DST: variants seen among roughly 807,000 people sequenced by gnomAD.
DST encodes dystonin.
DST carries 253 observed loss-of-function variants against 875.2 expected under a neutral mutation model. That is an observed-to-expected ratio of 0.29 (90% CI 0.26 to 0.32). The LOEUF (loss-of-function observed/expected upper bound fraction) is 0.32. Among genes scored for constraint, DST ranks in the 10% least tolerant of loss-of-function variants. The pLI, the probability that DST is intolerant of heterozygous loss-of-function variation, is 1.00. For missense variants in DST, 8,287 were observed against 9,111.6 expected, an observed-to-expected ratio of 0.91 and a Z score of 3.68; for synonymous variants, 3,124 against 3,197.1, an observed-to-expected ratio of 0.98 and a Z score of 0.77.
intron 2 of DST, among the ~76,000 whole-genome samples, chr6:56,923,790 A>T (rs1805530105): frequency 6.6e-6 from 1 of 152,094 alleles, no homozygotes; most frequent in South Asian, 2.1e-4. Flanking sequence ...AAGGCAGTCT[A>T]CTCAAATCCA....
chr6:56,739,778 G>A (rs1438870611), intron 4 of DST, among the ~76,000 whole-genome samples: 1 of 152,150 alleles, frequency 6.6e-6, no homozygotes, highest in African/African-American at 2.4e-5. Flanking sequence ...CAAATCCCAT[G>A]GCAATGTCAG....
intron 49 of DST, among the ~76,000 whole-genome samples, chr6:56,585,753 C>A (rs1160460476): frequency 6.6e-6 from 1 of 151,608 alleles, no homozygotes; most frequent in East Asian, 1.9e-4. Flanking sequence ...TTTCCCTCTA[C>A]ACACTGCTTT....
chr6:56,482,472 T>C (rs1409813681), intron 89 of DST: 2 of 543,112 alleles, frequency 3.7e-6, no homozygotes, highest in East Asian at 6.2e-5. Flanking sequence ...GCAGCACTTG[T>C]ATGTGAAGAT....
intron 10 of DST, among the ~76,000 whole-genome samples, chr6:56,670,129 C>CGTGTGTGT (rs1005416477): frequency 9.3e-6 from 1 of 107,826 alleles, no homozygotes; most frequent in African/African-American, 4.0e-5. Flanking sequence ...TGCGAGCGCC[C>CGTGTGTGT]GTGCGTGTGT....
At chr6:56,497,586 G>C in intron 81 of DST, 79 bp from the exon 82 acceptor site, 3 of 1,511,802 alleles carry the variant, frequency 2.0e-6, no homozygotes, top group Non-Finnish European at 2.7e-6. Context: ...AACAATCCCA[G>C]CCTGCTAAGC....
At chr6:56,591,981 CAAAAA>C (rs34682914) in intron 49 of DST, among the ~76,000 whole-genome samples, 196 bp downstream of exon 49, 12 of 63,940 alleles carry the variant, frequency 1.9e-4, no homozygotes, top group Non-Finnish European at 2.2e-4. Context: ...GACTCCATCT[CAAAAA>C]AAAAAAAAAA....
chr6:56,529,301 A>C (rs1018875865), intron 66 of DST, 147 bp downstream of exon 66: 7 of 672,710 alleles, frequency 1.0e-5, no homozygotes, highest in Non-Finnish European at 1.6e-5. Flanking sequence ...AAATGACTTC[A>C]TTAAAAGTAA....
At position 56,509,623 on chromosome 6, in the gene DST, C is replaced by T. The variant is rs763860039; in HGVS notation, c.19012+19G>A. 2 of 1,583,532 alleles carry T rather than the reference C, an allele frequency of 1.3e-6. No individual in the cohort carries two copies. The highest frequency in any genetic ancestry group is 1.1e-5 in the South Asian group (1 of 88,964). On this transcript the variant is annotated intron_variant, in intron 74 of 103. Coordinates refer to ENST00000680361, the MANE Select transcript of DST (RefSeq NM_001374736.1). ...TTTAGAATGCTTTAAAATTTGTTTC[C>T]CTATTCCAAAAGTATTACCTTTGGC...
At chr6:56,591,981 C>CAAAAA (rs34682914) in intron 49 of DST, among the ~76,000 whole-genome samples, 1 of 63,932 alleles carries the variant, frequency 1.6e-5, no homozygotes, top group Non-Finnish European at 2.8e-5. Context: ...GACTCCATCT[C>CAAAAA]AAAAAAAAAA....
At chr6:56,531,129 C>T (rs1303341603) in intron 64 of DST, among the ~76,000 whole-genome samples, 2 of 152,106 alleles carry the variant, frequency 1.3e-5, no homozygotes, top group African/African-American at 4.8e-5. Context: ...TTCGTAATTA[C>T]CTCTGGATTA....
chr6:56,690,229 AT>A (rs1480918741), intron 9 of DST, among the ~76,000 whole-genome samples: 2 of 152,162 alleles, frequency 1.3e-5, no homozygotes, highest in African/African-American at 4.8e-5. Context: ...CATTCTGTAT[AT>A]GAGGCATAGT....
rs144776067 is a variant in DST, at chr6:56,466,360, C to T, written c.22570-165G>A. 2.8e-4 allele frequency: 119 copies of T among 424,792 alleles called. No individual in the cohort carries two copies. The East Asian group carries it at 3.3e-3, about 12-fold the overall frequency. The allele number at this position is 424,792 out of a possible 1,614,324, so 26.3% of individuals were successfully genotyped here. Reference sequence around the variant, plus strand: ...GGGGTTTGTAATGATTTGTGTTAGACGGCTGCATGCTGATTTAGCCCAAAG... The same window carrying T: ...GGGGTTTGTAATGATTTGTGTTAGATGGCTGCATGCTGATTTAGCCCAAAG... On this transcript the variant is annotated intron_variant, in intron 98 of 103. Transcript: ENST00000680361.
At chr6:56,598,429 T>A in intron 46 of DST, 47 bp downstream of exon 46, 1 of 1,143,734 alleles carries the variant, frequency 8.7e-7, no homozygotes, top group Non-Finnish European at 1.2e-6. Context: ...AAGTAGCTGT[T>A]AAGCTTTTTG....
intron 36 of DST, chr6:56,620,317 G>A (rs999953637): frequency 6.2e-7 from 1 of 1,614,024 alleles, no homozygotes; most frequent in South Asian, 1.1e-5. Flanking sequence ...CCAACTGATT[G>A]CGAAAATTCA....
chr6:56,538,298 T>G (rs1263717963), intron 61 of DST, among the ~76,000 whole-genome samples: 1 of 152,146 alleles, frequency 6.6e-6, no homozygotes, highest in Non-Finnish European at 1.5e-5. Flanking sequence ...AGATAATATG[T>G]TTTTAATATA....
At chr6:56,952,451 T>C (rs1329622823) in intron 2 of DST, among the ~76,000 whole-genome samples, 2 of 152,238 alleles carry the variant, frequency 1.3e-5, no homozygotes, top group African/African-American at 4.8e-5. Flanking sequence ...GGCTGTTCTA[T>C]TGAATTAATC....
intron 55 of DST, among the ~76,000 whole-genome samples, chr6:56,565,158 T>C (rs1179296160): frequency 6.7e-6 from 1 of 149,712 alleles, no homozygotes; most frequent in Non-Finnish European, 1.5e-5. Flanking sequence ...TATTGCTCTG[T>C]CACCCAGGCT....
chr6:56,607,391 C>T lies in DST; in HGVS notation c.7237G>A (p.Val2413Met), dbSNP rs768020713. The T allele has an allele frequency of 2.4e-4, 382 of 1,612,572 alleles. No homozygotes were observed. Among genetic ancestry groups the T allele is most frequent in the Non-Finnish European group, 3.1e-4 (366 of 1,179,526 alleles). ...MKSKMSKFCG[V>M]NETENEDNTN... ...TTATCTTCATTCTCTGTTTCATTCA[C>T]ACCACAGAATTTACTCATTTTTGAT... Residue 2413 changes from valine (V) to methionine (M), a missense_variant, in exon 40 of 104, where the codon GTG becomes ATG. Val to Met is a conservative substitution (Grantham distance 21, BLOSUM62 1). Transcript: ENST00000680361.
intron 4 of DST, among the ~76,000 whole-genome samples, chr6:56,760,054 G>C (rs1455522104): frequency 2.6e-5 from 4 of 152,084 alleles, no homozygotes; most frequent in African/African-American, 9.7e-5. Context: ...AGGATATTTT[G>C]GTTCTTCCAT....
Sources: gnomAD v4.1 joint callset for allele counts (sites outside exome capture counted in the v4.1 genomes callset) on GRCh38, gnomAD v4.1.1 for gene constraint, MANE v1.5 for transcripts, NCBI Gene and HGNC (gene_info 2026-07-23, HGNC 2026-07-21) for gene names.